Variants in NR1H4 observed in about 807,000 individuals in gnomAD.
NR1H4 encodes the protein nuclear receptor subfamily 1 group H member 4.
NR1H4 carries 23 observed loss-of-function variants against 58.5 expected under a neutral mutation model. The ratio of observed to expected loss-of-function variants is 0.39; its 90% CI spans 0.28 to 0.56. The LOEUF (loss-of-function observed/expected upper bound fraction) is 0.56. Among genes scored for constraint, NR1H4 ranks in the 20% least tolerant of loss-of-function variants. The pLI is 0.58. For missense variants in NR1H4, 487 were observed against 576.9 expected (o/e 0.84, Z 1.60); for synonymous variants, 214 against 198.0 (o/e 1.08, Z -0.68).
At chr12:100,558,032 A>G (rs572536251) in intron 9 of NR1H4, among the ~76,000 whole-genome samples, 2 of 152,212 alleles carry the variant, frequency 1.3e-5, no homozygotes, top group South Asian at 4.1e-4. Flanking sequence ...GGCACTAAGA[A>G]GTCTGTTTTT....
At chr12:100,506,527 A>G (rs997481445) in intron 3 of NR1H4, among the ~76,000 whole-genome samples, 1 of 152,128 alleles carries the variant, frequency 6.6e-6, no homozygotes, top group South Asian at 2.1e-4. Context: ...GTTTTTTGAG[A>G]TGGAGTCTCG....
At chr12:100,557,506 G>A (rs372697884) in intron 9 of NR1H4, among the ~76,000 whole-genome samples, 22 of 152,214 alleles carry the variant, frequency 1.4e-4, no homozygotes, top group African/African-American at 4.8e-4. Context: ...GATATATTGT[G>A]TAATGATGTG....
At chr12:100,562,603 A>G (rs541956739) in intron 10 of NR1H4, among the ~76,000 whole-genome samples, 3 of 152,358 alleles carry the variant, frequency 2.0e-5, no homozygotes, top group South Asian at 4.1e-4. Flanking sequence ...TGAATATACA[A>G]TCATTTACTT....
At chr12:100,513,243 A>G (rs1235560810) in intron 4 of NR1H4, among the ~76,000 whole-genome samples, 1 of 152,232 alleles carries the variant, frequency 6.6e-6, no homozygotes, top group Non-Finnish European at 1.5e-5. Context: ...TGTCTTTTGA[A>G]TGACACAATG....
At position 100,524,511 on chromosome 12, in the gene NR1H4, G is replaced by A. The variant is rs545389542; in HGVS notation, c.446-7947G>A. Reference sequence around the variant, plus strand: ...CAAAGCCAAACTCCAGCACAGCTTGGCTGTCCTCATCATAACCCCTGTCCT... The same window carrying A: ...CAAAGCCAAACTCCAGCACAGCTTGACTGTCCTCATCATAACCCCTGTCCT... On this transcript the variant is annotated intron_variant, in intron 4 of 10. Coordinates refer to ENST00000392986, the MANE Select transcript of NR1H4 (RefSeq NM_001206979.2). Among the ~76,000 whole-genome samples, 28 of 152,276 alleles carry A rather than the reference G, an allele frequency of 1.8e-4. 1 individual carries two copies. In the South Asian group the frequency reaches 5.8e-3, roughly 32 times the overall value.
chr12:100,511,446 TTTTG>T (rs1284809029), intron 4 of NR1H4, among the ~76,000 whole-genome samples: 7 of 152,128 alleles, frequency 4.6e-5, no homozygotes, highest in Admixed American at 4.6e-4. Context: ...TTTTTGTAGG[TTTTG>T]TTTGTTTTTG....
intron 3 of NR1H4, chr12:100,505,857 CT>C (rs1953947450): frequency 2.4e-6 from 1 of 424,998 alleles, no homozygotes; most frequent in Admixed American, 3.9e-5. Flanking sequence ...TATTTGTTTA[CT>C]TGTTTACTTA....
At chr12:100,526,508 T>G (rs564056727) in intron 4 of NR1H4, among the ~76,000 whole-genome samples, 8 of 152,304 alleles carry the variant, frequency 5.3e-5, no homozygotes, top group Admixed American at 2.6e-4. Context: ...TAATCTCTTC[T>G]AAGCTCACAA....
chr12:100,521,271 G>T (rs2136197842), intron 4 of NR1H4, among the ~76,000 whole-genome samples: 1 of 152,286 alleles, frequency 6.6e-6, no homozygotes, highest in Admixed American at 6.5e-5. Flanking sequence ...ATCAATGAGA[G>T]AAATGATGGT....
At chr12:100,554,124 G>A (rs759238959) in intron 9 of NR1H4, among the ~76,000 whole-genome samples, 2 of 152,204 alleles carry the variant, frequency 1.3e-5, no homozygotes, top group Non-Finnish European at 2.9e-5. Flanking sequence ...TAGTTCCTAG[G>A]GAAACTATTG....
chr12:100,527,733 G>A (rs1166001578), intron 4 of NR1H4, among the ~76,000 whole-genome samples: 2 of 152,188 alleles, frequency 1.3e-5, no homozygotes, highest in African/African-American at 4.8e-5. Flanking sequence ...ACCTATGAGT[G>A]AGAACATATG....
At chr12:100,527,559 G>T (rs541098510) in intron 4 of NR1H4, among the ~76,000 whole-genome samples, 1 of 152,166 alleles carries the variant, frequency 6.6e-6, no homozygotes, top group African/African-American at 2.4e-5. Flanking sequence ...AAGAGTGTAG[G>T]GTGTGAGCTT....
chr12:100,503,497 G>T, intron 3 of NR1H4: 1 of 1,591,840 alleles, frequency 6.3e-7, no homozygotes, highest in South Asian at 1.1e-5. Flanking sequence ...CCCGCGAAAG[G>T]TAGGACACTG....
At chr12:100,540,559 C>G in intron 8 of NR1H4, 113 bp from the exon 9 acceptor site, 1 of 1,198,132 alleles carries the variant, frequency 8.3e-7, no homozygotes, top group Non-Finnish European at 1.2e-6. Flanking sequence ...CTAGACTACC[C>G]AATTTTAAAC....
At chr12:100,562,069 A>G in intron 10 of NR1H4, 71 bp downstream of exon 10, 1 of 767,250 alleles carries the variant, frequency 1.3e-6, no homozygotes, top group Non-Finnish European at 2.3e-6. Context: ...TTTATTGAAA[A>G]AAATCTGGAA....
At chr12:100,530,821 C>T (rs1443485875) in intron 4 of NR1H4, among the ~76,000 whole-genome samples, 1 of 152,150 alleles carries the variant, frequency 6.6e-6, no homozygotes, top group African/African-American at 2.4e-5. Flanking sequence ...CCTGTTGCCC[C>T]AAGCCCAATG....
intron 1 of NR1H4, among the ~76,000 whole-genome samples, chr12:100,482,789 T>G (rs1953408627): frequency 6.6e-6 from 1 of 152,212 alleles, no homozygotes; most frequent in South Asian, 2.1e-4. Context: ...TTCCTGGTCC[T>G]GGAAGCCTCA....
intron 5 of NR1H4, among the ~76,000 whole-genome samples, chr12:100,533,920 C>G (rs953482760): frequency 6.8e-6 from 1 of 146,840 alleles, no homozygotes; most frequent in Admixed American, 6.7e-5. Flanking sequence ...GACGGAGTCT[C>G]GCTCTGTCGC....
At chr12:100,560,397 G>GT (rs199518817) in intron 9 of NR1H4, among the ~76,000 whole-genome samples, 22,872 of 152,092 alleles carry the variant, frequency 0.15, 2,503 homozygotes, top group East Asian at 0.47. Context: ...TTTATGAGTT[G>GT]TAACACTCAC....
Sources: allele counts gnomAD v4.1 joint callset (sites outside exome capture counted in the v4.1 genomes callset), GRCh38; gene constraint gnomAD v4.1.1; transcripts MANE v1.5; gene names NCBI Gene and HGNC (gene_info 2026-07-23, HGNC 2026-07-21).